Variants in ANO3 observed in about 807,000 individuals in gnomAD.
The protein encoded by ANO3 is anoctamin-3.
ANO3 carries 99 observed loss-of-function variants against 144.8 expected under a neutral mutation model. The observed-to-expected ratio is 0.68, with a 90% CI of 0.58 to 0.81. ANO3 has a LOEUF of 0.81. Among genes scored for constraint, ANO3 ranks in the 30% least tolerant of loss-of-function variants. ANO3 has a pLI of 0.00. For synonymous variants in ANO3, 414 were observed against 392.6 expected (o/e 1.05, Z -0.64); for missense variants, 905 against 1,202.2 (o/e 0.75, Z 3.66).
At chr11:26,246,575 T>G (rs1451285141) in intron 1 of ANO3, among the ~76,000 whole-genome samples, 55 of 149,542 alleles carry the variant, frequency 3.7e-4, no homozygotes, top group African/African-American at 1.3e-3. Flanking sequence ...TTCTTTTGAA[T>G]TTTTCATAAT....
At chr11:26,316,767 T>C (rs1590255487) in intron 1 of ANO3, among the ~76,000 whole-genome samples, 1 of 152,132 alleles carries the variant, frequency 6.6e-6, no homozygotes, top group African/African-American at 2.4e-5. Context: ...GCTATGAACA[T>C]CTGCTTTTCT....
intron 1 of ANO3, among the ~76,000 whole-genome samples, chr11:26,338,833 A>G (rs778346016): frequency 6.6e-6 from 1 of 151,212 alleles, no homozygotes. Context: ...ACATCTGAAC[A>G]TCTGAAGGAA....
At chr11:26,244,741 G>A (rs763956650) in intron 1 of ANO3, among the ~76,000 whole-genome samples, 1 of 151,916 alleles carries the variant, frequency 6.6e-6, no homozygotes, top group Non-Finnish European at 1.5e-5. Flanking sequence ...TTAGTACTAG[G>A]TACTGCATCC....
chr11:26,360,198 A>C (rs1590291017), intron 1 of ANO3, among the ~76,000 whole-genome samples: 1 of 97,016 alleles, frequency 1.0e-5, no homozygotes, highest in African/African-American at 4.1e-5. Flanking sequence ...TTTTTTTTCC[A>C]CTTACTGCAT....
intron 7 of ANO3, among the ~76,000 whole-genome samples, chr11:26,530,995 A>G (rs1849357176): frequency 6.6e-6 from 1 of 152,230 alleles, no homozygotes; most frequent in Non-Finnish European, 1.5e-5. Context: ...GTTGTCCTGG[A>G]AGAGTTTAAA....
intron 4 of ANO3, among the ~76,000 whole-genome samples, chr11:26,475,372 C>CT (rs1859923332): frequency 6.6e-6 from 1 of 151,864 alleles, no homozygotes; most frequent in South Asian, 2.1e-4. Flanking sequence ...ATTAATCTAG[C>CT]TTTTTTTGTA....
chr11:26,612,895 C>T (rs1437490932), intron 17 of ANO3, among the ~76,000 whole-genome samples: 2 of 152,130 alleles, frequency 1.3e-5, no homozygotes, highest in East Asian at 3.9e-4. Flanking sequence ...TTATATATAA[C>T]TTGAAAGTTT....
chr11:26,605,882 A>C (rs1851921777), intron 17 of ANO3, among the ~76,000 whole-genome samples: 2 of 151,654 alleles, frequency 1.3e-5, no homozygotes, highest in African/African-American at 4.8e-5. Flanking sequence ...TTAAAAAAAA[A>C]CCAACTCCTG....
intron 1 of ANO3, among the ~76,000 whole-genome samples, chr11:26,430,958 C>T (rs1440517316): frequency 1.3e-5 from 2 of 152,214 alleles, no homozygotes; most frequent in South Asian, 2.1e-4. Context: ...CTTTAAGGAT[C>T]GGATAGTTTC....
At chr11:26,635,180 G>A (rs1852912963) in intron 20 of ANO3, 110 bp downstream of exon 20, 3 of 910,578 alleles carry the variant, frequency 3.3e-6, no homozygotes, top group Non-Finnish European at 5.2e-6. Flanking sequence ...TATGGATATT[G>A]AAGACGACAC....
At chr11:26,207,264 G>C (rs1851816254) in intron 1 of ANO3, among the ~76,000 whole-genome samples, 1 of 152,090 alleles carries the variant, frequency 6.6e-6, no homozygotes, top group Admixed American at 6.6e-5. Flanking sequence ...ATAAGTAAAA[G>C]TATAAATGGC....
At position 26,598,941 on chromosome 11, in the gene ANO3, G is replaced by C. The variant is rs1424442754; in HGVS notation, c.1614G>C (p.Gln538His). 6.2e-7 allele frequency: 1 copy of C among 1,613,984 alleles called. No homozygotes were observed. Among genetic ancestry groups the C allele is most frequent in the Admixed American group, 1.7e-5 (1 of 60,006 alleles). The stretch of plus-strand genomic sequence containing the variant: ...TCACGGGAAAACCTGAACCACATCA[G>C]CCTTCCTCAGACAAAGTCACTCGTC... ...NPITGKPEPH[Q>H]PSSDKVTRLL... The change falls in exon 16 of 27, where the codon CAG becomes CAC. Residue 538 changes from glutamine (Q) to histidine (H), a missense_variant. Transcript: ENST00000256737.
intron 10 of ANO3, 129 bp from the exon 11 acceptor site, chr11:26,541,818 G>T: frequency 1.2e-6 from 1 of 802,014 alleles, no homozygotes; most frequent in Non-Finnish European, 1.8e-6. Flanking sequence ...CCAGCGATGG[G>T]CTTAAGTTTA....
intron 3 of ANO3, among the ~76,000 whole-genome samples, chr11:26,451,832 C>G (rs1858952653): frequency 6.6e-6 from 1 of 152,188 alleles, no homozygotes; most frequent in Non-Finnish European, 1.5e-5. Flanking sequence ...CTGGGAGACA[C>G]CCCCTAGTAG....
intron 1 of ANO3, among the ~76,000 whole-genome samples, chr11:26,429,437 C>T (rs1304075986): frequency 1.5e-5 from 2 of 132,224 alleles, no homozygotes; most frequent in Non-Finnish European, 3.2e-5. Flanking sequence ...AACAAAAATC[C>T]AAAATTTCCT....
chr11:26,193,331 T>C (rs1482316336), intron 1 of ANO3, among the ~76,000 whole-genome samples: 1 of 151,708 alleles, frequency 6.6e-6, no homozygotes, highest in Non-Finnish European at 1.5e-5. Flanking sequence ...TACTAGAGAC[T>C]GGGTTTCTCT....
In ANO3 at chr11:26,332,222, C is replaced by T. The variant is rs149195780; in HGVS notation, c.-54C>T. The T allele has an allele frequency of 1.4e-3, 2,189 of 1,613,998 alleles. 20 individuals carry two copies. In the African/African-American group the frequency reaches 0.024, roughly 18 times the overall value. On this transcript the variant is annotated 5_prime_UTR_variant, in exon 1 of 27. Coordinates refer to ENST00000256737, the MANE Select transcript of ANO3 (RefSeq NM_031418.4). The stretch of plus-strand genomic sequence containing the variant: ...AGCGTCTAGAGTCTGGCTACTGTTC[C>T]TCCGCCTCCCTCTCGGGCAGCTCCC...
intron 1 of ANO3, among the ~76,000 whole-genome samples, chr11:26,342,893 A>G (rs1034014049): frequency 6.6e-6 from 1 of 152,090 alleles, no homozygotes; most frequent in African/African-American, 2.4e-5. Flanking sequence ...ATATATATTT[A>G]GGGTGTTTTA....
chr11:26,371,942 A>G (rs924306271), intron 1 of ANO3, among the ~76,000 whole-genome samples: 5 of 152,196 alleles, frequency 3.3e-5, no homozygotes, highest in Non-Finnish European at 7.3e-5. Context: ...TTTTCAGTTA[A>G]TGCTGGAATA....
Sources: gnomAD v4.1 joint callset for allele counts (sites outside exome capture counted in the v4.1 genomes callset) on GRCh38, gnomAD v4.1.1 for gene constraint, MANE v1.5 for transcripts, NCBI Gene and HGNC (gene_info 2026-07-23, HGNC 2026-07-21) for gene names.